The following CDK14 variants were observed in gnomAD, a reference collection of about 807,000 sequenced individuals.
CDK14 encodes cyclin-dependent kinase 14.
In CDK14, 34 loss-of-function variants were observed where a neutral mutation model predicts 60.7. The ratio of observed to expected loss-of-function variants is 0.56; its 90% CI spans 0.43 to 0.75. CDK14 has a LOEUF of 0.75. CDK14 is among the 30% of genes least tolerant of loss of function. The pLI is 0.00. For synonymous variants in CDK14, 197 were observed against 203.7 expected (o/e 0.97, Z 0.28); for missense variants, 482 against 564.1 (o/e 0.85, Z 1.47).
intron 5 of CDK14, among the ~76,000 whole-genome samples, chr7:90,795,680 G>T (rs1465155914): frequency 6.6e-6 from 1 of 152,098 alleles, no homozygotes; most frequent in East Asian, 1.9e-4. Flanking sequence ...AAGTGCTACT[G>T]AATTTAATTA....
rs138830327 is a variant in CDK14 at position 90,977,129 on chromosome 7, C to G, written c.948-7019C>G. 3.1e-3 allele frequency among the ~76,000 whole-genome samples: 471 copies of G among 152,218 alleles called. 5 individuals are homozygous for G. Among genetic ancestry groups the G allele is most frequent in the African/African-American group, 0.011 (455 of 41,550 alleles). On this transcript the variant is annotated intron_variant, in intron 9 of 14. Transcript: ENST00000380050. ...TTTGTCTAAGGTGAAGCGTGGGAAT[C>G]TAGTTTTGTTCTTCCGGATAAGAAT...
chr7:90,907,727 A>G (rs1792757667), intron 7 of CDK14, among the ~76,000 whole-genome samples: 2 of 152,092 alleles, frequency 1.3e-5, no homozygotes, highest in African/African-American at 2.4e-5. Context: ...TTTCATTTCA[A>G]TAGATATATT....
At chr7:90,622,918 T>C (rs1287919172) in intron 2 of CDK14, among the ~76,000 whole-genome samples, 2 of 143,832 alleles carry the variant, frequency 1.4e-5, no homozygotes, top group African/African-American at 5.2e-5. Context: ...TCTTTCTTTT[T>C]TTTTCTTTTT....
At chr7:90,947,778 T>C (rs1794142749) in intron 8 of CDK14, among the ~76,000 whole-genome samples, 1 of 152,172 alleles carries the variant, frequency 6.6e-6, no homozygotes, top group African/African-American at 2.4e-5. Context: ...CAAACACTCA[T>C]ACTAATTTTT....
rs1356765179 is a variant in CDK14, at chr7:91,055,484, T to C, written c.1105+9524T>C. ...GTCTAGAAAATGCCAGAAAAAAAAG[T>C]AGTAAGATTAAATTTTCAAGGGAAA... On this transcript the variant is annotated intron_variant, in intron 11 of 14. Coordinates refer to ENST00000380050, the MANE Select transcript of CDK14 (RefSeq NM_001287135.2). Among the ~76,000 whole-genome samples the C allele has an allele frequency of 5.9e-5, 9 of 152,262 alleles. No homozygotes were observed. In the East Asian group the frequency reaches 1.4e-3, roughly 23 times the overall value.
intron 14 of CDK14, among the ~76,000 whole-genome samples, chr7:91,119,701 C>T (rs1210946884): frequency 6.6e-6 from 1 of 152,092 alleles, no homozygotes; most frequent in Non-Finnish European, 1.5e-5. Context: ...TTTGAATACC[C>T]TCAACATAGG....
chr7:90,660,668 T>C (rs949035714), intron 2 of CDK14, among the ~76,000 whole-genome samples: 2 of 152,218 alleles, frequency 1.3e-5, no homozygotes, highest in African/African-American at 4.8e-5. Context: ...TAGGTACATA[T>C]TTTCTGTGTA....
intron 8 of CDK14, among the ~76,000 whole-genome samples, chr7:90,928,550 C>T (rs1053208229): frequency 8.5e-5 from 13 of 152,276 alleles, no homozygotes; most frequent in Admixed American, 7.2e-4. Context: ...TATTGCAGAA[C>T]GGCAGATGTT....
chr7:91,081,834 T>C (rs886110080), intron 12 of CDK14, among the ~76,000 whole-genome samples: 7 of 151,834 alleles, frequency 4.6e-5, no homozygotes, highest in African/African-American at 1.5e-4. Flanking sequence ...CCAACAGATA[T>C]CCAAATTCAA....
At chr7:90,656,093 G>A (rs1800745829) in intron 2 of CDK14, among the ~76,000 whole-genome samples, 1 of 152,126 alleles carries the variant, frequency 6.6e-6, no homozygotes, top group Non-Finnish European at 1.5e-5. Context: ...AATTACCTGT[G>A]TATTCCAGCT....
chr7:90,601,367 G>A (rs905050080), intron 1 of CDK14, among the ~76,000 whole-genome samples: 3 of 152,184 alleles, frequency 2.0e-5, no homozygotes, highest in Non-Finnish European at 4.4e-5. Context: ...TCTTAAGTTG[G>A]TCTTTGTTGT....
intron 2 of CDK14, among the ~76,000 whole-genome samples, chr7:90,669,291 CT>C (rs372687166): frequency 4.7e-4 from 72 of 152,196 alleles, no homozygotes; most frequent in African/African-American, 1.6e-3. Context: ...CTGTTTCTGC[CT>C]TCTGTGCCCC....
At chr7:90,785,125 C>G (rs78639309) in intron 4 of CDK14, among the ~76,000 whole-genome samples, 1 of 132,534 alleles carries the variant, frequency 7.5e-6, no homozygotes, top group East Asian at 6.0e-4. Flanking sequence ...TCTCTTGAGA[C>G]AAAATCATAA....
Position 90,603,023 on chromosome 7 carries a change from A to T in CDK14, c.92-1195A>T, listed in dbSNP as rs1799347407. 4.0e-5 allele frequency among the ~76,000 whole-genome samples: 6 copies of T among 151,078 alleles called. No homozygotes were observed. In the Admixed American group the frequency reaches 4.0e-4, roughly 10 times the overall value. On this transcript the variant is annotated intron_variant, in intron 1 of 14. Transcript: ENST00000380050. ...CTTTTCTCAGAGCTTAATTGCCAGAATAATTTGCTTTTCATTGCTTTTGTC... is the reference window on the plus strand; with the variant it reads ...CTTTTCTCAGAGCTTAATTGCCAGATTAATTTGCTTTTCATTGCTTTTGTC...
intron 5 of CDK14, among the ~76,000 whole-genome samples, chr7:90,828,579 G>A (rs1789803551): frequency 6.6e-6 from 1 of 151,546 alleles, no homozygotes; most frequent in African/African-American, 2.4e-5. Flanking sequence ...TAATATTACC[G>A]AATTCTCCAG....
At chr7:91,060,253 G>T (rs1797736723) in intron 11 of CDK14, among the ~76,000 whole-genome samples, 1 of 150,234 alleles carries the variant, frequency 6.7e-6, no homozygotes. Flanking sequence ...CATTTGCTTG[G>T]TAGATCTTCC....
chr7:90,929,032 T>G (rs1401461210), intron 8 of CDK14, among the ~76,000 whole-genome samples: 1 of 152,206 alleles, frequency 6.6e-6, no homozygotes, highest in Admixed American at 6.5e-5. Flanking sequence ...AGGCGCAGGA[T>G]GTAATCTCCT....
intron 2 of CDK14, 54 bp from the exon 3 acceptor site, chr7:90,726,513 A>G: frequency 3.8e-6 from 6 of 1,562,858 alleles, no homozygotes; most frequent in Non-Finnish European, 5.3e-6. Context: ...TGGCATGTTT[A>G]GTGATATTAA....
At chr7:91,141,737 G>A (rs1800467201) in intron 14 of CDK14, among the ~76,000 whole-genome samples, 1 of 152,162 alleles carries the variant, frequency 6.6e-6, no homozygotes, top group South Asian at 2.1e-4. Flanking sequence ...TGTGGAGGTT[G>A]TAACCTGGAA....
Sources: gnomAD v4.1 joint callset for allele counts (sites outside exome capture counted in the v4.1 genomes callset) on GRCh38, gnomAD v4.1.1 for gene constraint, MANE v1.5 for transcripts, NCBI Gene and HGNC (gene_info 2026-07-23, HGNC 2026-07-21) for gene names.